NOX5: variants seen among roughly 807,000 people sequenced by gnomAD.
NOX5 encodes NADPH oxidase 5, also known as NADPH oxidase, EF-hand calcium binding domain 5.
NOX5 carries 76 observed loss-of-function variants against 85.7 expected under a neutral mutation model. The observed-to-expected ratio is 0.89, with a 90% CI of 0.74 to 1.07. The LOEUF is 1.07. Among genes scored for constraint, NOX5 ranks in the 50% least tolerant of loss-of-function variants. NOX5 has a pLI of 0.00. For synonymous variants in NOX5, 405 were observed against 401.4 expected (o/e 1.01, Z -0.11); for missense variants, 973 against 999.5 (o/e 0.97, Z 0.36).
chr15:69,033,412 C>T lies in NOX5; in HGVS notation c.855+135C>T, dbSNP rs912961567. ...GCACCTTAGAAATCAGCTGGGCCAA[C>T]GCTCAGAGTTGGAGGACGCCGCCCA... is the stretch of plus-strand genomic sequence containing the variant. On this transcript the variant is annotated intron_variant, in intron 5 of 15. Coordinates refer to ENST00000388866, the MANE Select transcript of NOX5 (RefSeq NM_024505.4). 6.0e-6 allele frequency: 6 copies of T among 1,003,912 alleles called. No homozygotes were observed. In the Admixed American group the frequency reaches 8.9e-5, roughly 15 times the overall value. The allele number at this position is 1,003,912 out of a possible 1,614,324, so 62.2% of individuals were successfully genotyped here.
intron 1 of NOX5, among the ~76,000 whole-genome samples, chr15:69,017,531 A>G (rs1165481302): frequency 1.3e-5 from 2 of 152,098 alleles, no homozygotes. Context: ...TCTACCTACG[A>G]CCCGGAAGCC....
At chr15:69,025,672 G>A (rs1241107386) in intron 1 of NOX5, among the ~76,000 whole-genome samples, 2 of 152,210 alleles carry the variant, frequency 1.3e-5, no homozygotes, top group South Asian at 4.1e-4. Context: ...TTAGGGTTAT[G>A]TTACACTCAT....
At chr15:69,044,077 G>A (rs1221534904) in intron 10 of NOX5, among the ~76,000 whole-genome samples, 3 of 151,926 alleles carry the variant, frequency 2.0e-5, no homozygotes, top group South Asian at 2.1e-4. Context: ...CCAGCTACTC[G>A]GGAGGCTGGG....
intron 3 of NOX5, chr15:69,031,249 A>G: frequency 1.9e-6 from 1 of 519,720 alleles, no homozygotes; most frequent in Non-Finnish European, 3.4e-6. Context: ...AGATTAAGTA[A>G]GCAGGTGTAT....
At chr15:69,024,683 T>A (rs1449970812) in intron 1 of NOX5, among the ~76,000 whole-genome samples, 1 of 152,190 alleles carries the variant, frequency 6.6e-6, no homozygotes, top group East Asian at 1.9e-4. Flanking sequence ...AATTTACAAA[T>A]TAAACTTTAT....
At chr15:69,037,542 T>C in intron 8 of NOX5, 1 of 248,132 alleles carries the variant, frequency 4.0e-6, no homozygotes, top group South Asian at 7.8e-5. Context: ...GGTTCTGCAC[T>C]GTCCTGCTTT....
In NOX5 at chr15:69,031,595, G is replaced by T; in HGVS notation, c.403G>T (p.Gly135Trp). ...AGPHWASSPL[G>W]TGSGSIDPDE... is the part of the protein sequence containing the mutation. ...CCCGCACTGGGCTTCATCCCCACTC[G>T]GGACAGGCAGTGGCTCCATTGACCC... The change falls in exon 4 of 16, where the codon GGG becomes TGG. Residue 135 changes from glycine (G) to tryptophan (W), a missense_variant. Transcript: ENST00000388866. 1.2e-6 allele frequency: 2 copies of T among 1,613,104 alleles called. No individual in the cohort carries two copies. The highest frequency in any genetic ancestry group is 8.5e-7 in the Non-Finnish European group (1 of 1,180,028).
chr15:69,017,318 A>T (rs1338919818), intron 1 of NOX5, among the ~76,000 whole-genome samples: 1 of 151,878 alleles, frequency 6.6e-6, no homozygotes, highest in Non-Finnish European at 1.5e-5. Flanking sequence ...CACCAGGCTA[A>T]TTTTTGTATT....
intron 4 of NOX5, among the ~76,000 whole-genome samples, 163 bp downstream of exon 4, chr15:69,031,975 A>G (rs1266288648): frequency 2.7e-5 from 4 of 149,580 alleles, no homozygotes; most frequent in Non-Finnish European, 5.9e-5. Flanking sequence ...AGCTGTCTTC[A>G]TTGCCTCCAC....
rs778287717 is a variant in NOX5, at chr15:69,056,623, C to T, written c.2225C>T (p.Ser742Phe). 6.2e-7 allele frequency: 1 copy of T among 1,613,846 alleles called. No homozygotes were observed. The highest frequency in any genetic ancestry group is 8.5e-7 in the Non-Finnish European group (1 of 1,180,034). Residue 742 changes from serine to phenylalanine, a missense_variant, in exon 16 of 16, where the codon TCC becomes TTC. Ser to Phe is a radical substitution (Grantham distance 155, BLOSUM62 -2). Coordinates refer to ENST00000388866, the MANE Select transcript of NOX5 (RefSeq NM_024505.4). ...AAGGTGCAGGTCTTCTTCTGTGGCT[C>T]CCCAGCTCTGGCCAAGGTGCTGAAG... The part of the protein sequence containing the change: ...KGKVQVFFCG[S>F]PALAKVLKGH...
chr15:69,044,258 G>C (rs1245828574), intron 10 of NOX5, among the ~76,000 whole-genome samples: 3 of 151,928 alleles, frequency 2.0e-5, no homozygotes, highest in Non-Finnish European at 4.4e-5. Context: ...AAATATTTAT[G>C]AAGCACAGCA....
chr15:69,015,116 C>T (rs1433630238), intron 1 of NOX5, among the ~76,000 whole-genome samples: 1 of 152,218 alleles, frequency 6.6e-6, no homozygotes, highest in African/African-American at 2.4e-5. Context: ...TGCTTGTGGG[C>T]TGGTCATTCA....
rs2050832824 is a variant in NOX5, at chr15:69,057,905, G to A, written c.*1209G>A. On this transcript the variant is annotated 3_prime_UTR_variant, in exon 16 of 16. Coordinates refer to ENST00000388866, the MANE Select transcript of NOX5 (RefSeq NM_024505.4). ...GTTTGCGTCTGTCCCTGTCTGGGCA[G>A]GAGGGAACAGCAGAGGCAGCAAAGG... is the stretch of plus-strand genomic sequence containing the variant. 6.6e-6 allele frequency: 1 copy of A among 152,376 alleles called. No individual in the cohort carries two copies. Among genetic ancestry groups the A allele is most frequent in the Non-Finnish European group, 1.5e-5 (1 of 68,162 alleles). 9.4% of individuals were successfully genotyped at this position (152,376 alleles called of 1,614,324 possible).
chr15:69,049,098 C>T lies in NOX5; in HGVS notation c.1999+40C>T. 2 of 1,310,278 alleles carry T rather than the reference C, an allele frequency of 1.5e-6. 1 individual carries two copies. 81.2% of individuals were successfully genotyped at this position (1,310,278 alleles called of 1,614,324 possible). A position where few individuals can be genotyped will look rare whatever the true frequency, so the allele number is the denominator to read the frequency against. ...GGGCCTGAGGGCAGTAGGAGTAGGG[C>T]AGGGGCCTTCAGCTTCTTTAAAAAA... On this transcript the variant is annotated intron_variant, in intron 14 of 15. Coordinates refer to ENST00000388866, the MANE Select transcript of NOX5 (RefSeq NM_024505.4).
chr15:69,050,711 A>G (rs1013473155), intron 14 of NOX5, among the ~76,000 whole-genome samples: 1 of 152,144 alleles, frequency 6.6e-6, no homozygotes, highest in African/African-American at 2.4e-5. Flanking sequence ...TTTAAATAGT[A>G]CTGCACTTCG....
Position 69,035,470 on chromosome 15 carries a change from G to A in NOX5, c.972G>A (p.Leu324=). 6.2e-7 allele frequency: 1 copy of A among 1,614,208 alleles called. No homozygotes were observed. The change falls in exon 6 of 16, where the codon CTG becomes CTA. Residue 324 remains leucine, a synonymous_variant. Transcript: ENST00000388866. Reference sequence around the variant, plus strand: ...TTATGGGCTACGTGGTAGTGGGGCTGTCCCTCGTGCACACCGTGGCTCACA... The same window carrying A: ...TTATGGGCTACGTGGTAGTGGGGCTATCCCTCGTGCACACCGTGGCTCACA... ...HQLMGYVVVG[L]SLVHTVAHTV... is the part of the protein sequence containing the mutation.
chr15:69,044,341 A>C (rs747853924), intron 10 of NOX5, among the ~76,000 whole-genome samples: 12 of 152,224 alleles, frequency 7.9e-5, no homozygotes, highest in Non-Finnish European at 1.6e-4. Flanking sequence ...GTCACTGCTT[A>C]CCTTCTGGTG....
Position 69,033,100 on chromosome 15 carries a change from G to C in NOX5, c.678G>C (p.Gln226His). 1 of 1,551,540 alleles carries C rather than the reference G, an allele frequency of 6.4e-7. No individual in the cohort carries two copies. Among genetic ancestry groups the C allele is most frequent in the South Asian group, 1.2e-5 (1 of 86,092 alleles). ...GCCCACGCCCGCGCCGGCCGCGCCAGCTGACCCGCGCCTACTGGCACAACC... is the reference window on the plus strand; with the variant it reads ...GCCCACGCCCGCGCCGGCCGCGCCACCTGACCCGCGCCTACTGGCACAACC... ...APRPRPRRPR[Q>H]LTRAYWHNHR... Residue 226 changes from glutamine (Q) to histidine (H), a missense_variant, in exon 5 of 16, where the codon CAG (glutamine) becomes CAC (histidine). Transcript: ENST00000388866.
At chr15:69,025,472 C>T (rs566728047) in intron 1 of NOX5, among the ~76,000 whole-genome samples, 6 of 152,292 alleles carry the variant, frequency 3.9e-5, no homozygotes, top group South Asian at 2.1e-4. Context: ...AGGCAGGCAT[C>T]GTCGCCTTGC....
Sources: allele counts gnomAD v4.1 joint callset (sites outside exome capture counted in the v4.1 genomes callset), GRCh38; gene constraint gnomAD v4.1.1; transcripts MANE v1.5; gene names NCBI Gene and HGNC (gene_info 2026-07-23, HGNC 2026-07-21).